Variants in MAGT1 observed in about 807,000 individuals in gnomAD.
MAGT1 encodes the protein magnesium transporter 1.
MAGT1 carries 4 observed loss-of-function variants against 28.4 expected under a neutral mutation model. The observed-to-expected ratio is 0.14, with a 90% CI of 0.07 to 0.32. The LOEUF (loss-of-function observed/expected upper bound fraction) is 0.32, where lower values mean the gene tolerates loss of function less well. MAGT1 is among the 10% of genes least tolerant of loss of function. The pLI is 1.00. For missense variants in MAGT1, 193 were observed against 264.5 expected, an observed-to-expected ratio of 0.73 and a Z score of 1.88; for synonymous variants, 89 against 89.7, an observed-to-expected ratio of 0.99 and a Z score of 0.04.
intron 7 of MAGT1, among the ~76,000 whole-genome samples, chrX:77,850,044 T>C (rs958687503): frequency 1.5e-4 from 17 of 111,965 alleles, no homozygotes; most frequent in Admixed American, 2.9e-4. Flanking sequence ...CAATAAACTG[T>C]ACATTAAACT....
At chrX:77,861,703 G>A (rs1217686867) in intron 3 of MAGT1, among the ~76,000 whole-genome samples, 1 of 112,272 alleles carries the variant, frequency 8.9e-6, no homozygotes, top group Non-Finnish European at 1.9e-5. Flanking sequence ...TACATACAAT[G>A]CAATATTATT....
chrX:77,894,092 CTGT>C (rs1446767421), intron 1 of MAGT1, among the ~76,000 whole-genome samples: 1 of 111,744 alleles, frequency 8.9e-6, no homozygotes, highest in Admixed American at 9.6e-5. Flanking sequence ...ATAGGGGATG[CTGT>C]TGTTTTTAAC....
intron 7 of MAGT1, among the ~76,000 whole-genome samples, chrX:77,852,816 T>C (rs1335816712): frequency 1.8e-5 from 2 of 111,208 alleles, no homozygotes; most frequent in Non-Finnish European, 3.8e-5. Flanking sequence ...CAGGCTGGTC[T>C]CAAACTCCTG....
At chrX:77,861,014 A>T (rs1557216431) in intron 3 of MAGT1, among the ~76,000 whole-genome samples, 1 of 109,294 alleles carries the variant, frequency 9.1e-6, no homozygotes, top group Non-Finnish European at 1.9e-5. Flanking sequence ...CGCCCCTACT[A>T]AAAATATGAA....
intron 3 of MAGT1, among the ~76,000 whole-genome samples, chrX:77,864,501 A>C (rs1460831370): frequency 1.8e-5 from 2 of 111,240 alleles, no homozygotes; most frequent in Non-Finnish European, 3.8e-5. Flanking sequence ...TGACTTGATC[A>C]TTCTATGAAT....
chrX:77,841,558 C>A (rs1438900113), intron 7 of MAGT1, among the ~76,000 whole-genome samples: 3 of 111,874 alleles, frequency 2.7e-5, no homozygotes, highest in Non-Finnish European at 5.6e-5. Flanking sequence ...ATATTTTAAA[C>A]AAATGTCCCA....
chrX:77,832,455 T>C (rs1365944932), intron 8 of MAGT1, among the ~76,000 whole-genome samples: 2 of 110,503 alleles, frequency 1.8e-5, no homozygotes, highest in Non-Finnish European at 3.8e-5. Context: ...TTTAAGGAAG[T>C]TGACAAGTTT....
At chrX:77,854,249 A>C (rs1270779465) in intron 6 of MAGT1, among the ~76,000 whole-genome samples, 5 of 111,561 alleles carry the variant, frequency 4.5e-5, no homozygotes. Context: ...ATCATAGCTC[A>C]TTGCAATCCC....
At chrX:77,882,856 A>G (rs2077056306) in intron 1 of MAGT1, among the ~76,000 whole-genome samples, 1 of 106,710 alleles carries the variant, frequency 9.4e-6, no homozygotes, top group African/African-American at 3.4e-5. Flanking sequence ...AGTCCCAGAT[A>G]CTCAGGAGGC....
Position 77,875,420 on chromosome X carries a change from G to A in MAGT1, c.272+8C>T, listed in dbSNP as rs373819700. The A allele has an allele frequency of 1.2e-5, 15 of 1,206,324 alleles. No homozygotes were observed. Among genetic ancestry groups the A allele is most frequent in the Non-Finnish European group, 1.6e-5 (14 of 891,786 alleles). Reference sequence around the variant, plus strand: ...TATTTAATTTTAAAGCGTAGTTGGAGTTCATACTTGCAAACGACACACTGT... The same window carrying A: ...TATTTAATTTTAAAGCGTAGTTGGAATTCATACTTGCAAACGACACACTGT... On this transcript the variant is annotated splice_region_variant and intron_variant, in intron 2 of 9. Coordinates refer to ENST00000618282, the MANE Select transcript of MAGT1 (RefSeq NM_001367916.1).
At chrX:77,875,703 C>T (rs1557217742) in intron 1 of MAGT1, 106 bp from the exon 2 acceptor site, 5 of 868,680 alleles carry the variant, frequency 5.8e-6, no homozygotes, top group Non-Finnish European at 8.2e-6. Flanking sequence ...CAGAGGTATA[C>T]AGAAAATGTG....
At chrX:77,834,271 C>T (rs868979456) in intron 8 of MAGT1, among the ~76,000 whole-genome samples, 3 of 78,232 alleles carry the variant, frequency 3.8e-5, no homozygotes, top group Non-Finnish European at 5.3e-5. Context: ...TGTATATATG[C>T]ATATATGTAT....
chrX:77,889,270 C>T (rs1220898676), intron 1 of MAGT1, among the ~76,000 whole-genome samples: 2 of 104,184 alleles, frequency 1.9e-5, no homozygotes, highest in East Asian at 5.9e-4. Flanking sequence ...TGTGAGCCAC[C>T]ACGCCTGGCC....
chrX:77,884,593 C>T (rs1424662788), intron 1 of MAGT1, among the ~76,000 whole-genome samples: 1 of 110,380 alleles, frequency 9.1e-6, no homozygotes, highest in Non-Finnish European at 1.9e-5. Flanking sequence ...ACACTACCGA[C>T]GTCTTAGGCC....
intron 7 of MAGT1, among the ~76,000 whole-genome samples, chrX:77,845,572 G>A (rs781975023): frequency 2.4e-4 from 27 of 111,784 alleles, no homozygotes; most frequent in African/African-American, 8.4e-4. Context: ...GCAGTGGCTG[G>A]TGCCGGTTGT....
At chrX:77,890,070 G>A (rs1184572406) in intron 1 of MAGT1, among the ~76,000 whole-genome samples, 2 of 111,932 alleles carry the variant, frequency 1.8e-5, no homozygotes, top group Non-Finnish European at 3.8e-5. Context: ...TTAACATAAC[G>A]ACTTCCAGTT....
intron 2 of MAGT1, 53 bp downstream of exon 2, chrX:77,875,375 A>G (rs2077030603): frequency 5.2e-6 from 6 of 1,146,743 alleles, no homozygotes; most frequent in Middle Eastern, 2.4e-4. Flanking sequence ...GGATTGAGAA[A>G]TGGTTAACGT....
intron 1 of MAGT1, among the ~76,000 whole-genome samples, chrX:77,883,069 TA>T (rs2077057394): frequency 2.0e-5 from 2 of 101,412 alleles, no homozygotes; most frequent in African/African-American, 7.2e-5. Flanking sequence ...TATAATAATA[TA>T]ATATAATTAT....
intron 8 of MAGT1, among the ~76,000 whole-genome samples, chrX:77,834,289 C>A: frequency 1.1e-5 from 1 of 93,336 alleles, no homozygotes; most frequent in Non-Finnish European, 2.1e-5. Flanking sequence ...TATATATATG[C>A]ATATATATAT....
Sources: gnomAD v4.1 joint callset for allele counts (sites outside exome capture counted in the v4.1 genomes callset) on GRCh38, gnomAD v4.1.1 for gene constraint, MANE v1.5 for transcripts, NCBI Gene and HGNC (gene_info 2026-07-23, HGNC 2026-07-21) for gene names.